Variants in CCDC169 observed in about 807,000 individuals in gnomAD.
The protein encoded by CCDC169 is coiled-coil domain containing 169, also known as coiled-coil domain-containing protein 169.
Under a neutral mutation model 36.0 loss-of-function variants are expected in CCDC169, and 30 were observed. That is an observed-to-expected ratio of 0.83 (90% CI 0.62 to 1.13). CCDC169 has a LOEUF of 1.13. CCDC169 is among the 50% of genes most tolerant of loss of function. The probability of loss-of-function intolerance (pLI) is 0.00; values close to 1 mark genes in which losing one functional copy is unlikely to be tolerated. For synonymous variants in CCDC169, 85 were observed against 81.5 expected (o/e 1.04, Z -0.23); for missense variants, 245 against 245.9 (o/e 1.00, Z 0.03).
chr13:36,243,698 C>T (rs546865824), intron 7 of CCDC169, among the ~76,000 whole-genome samples: 13 of 151,688 alleles, frequency 8.6e-5, no homozygotes, highest in Non-Finnish European at 1.5e-4. Flanking sequence ...CCCAGCTACT[C>T]GGGAGGCTGA....
chr13:36,282,295 A>G (rs778899554), intron 4 of CCDC169: 11 of 888,518 alleles, frequency 1.2e-5, no homozygotes, highest in Non-Finnish European at 1.5e-5. Context: ...TCTGCATTAC[A>G]CAATTATATG....
intron 4 of CCDC169, chr13:36,274,442 T>C (rs1355624091): frequency 6.6e-6 from 1 of 152,152 alleles, no homozygotes; most frequent in Non-Finnish European, 1.5e-5. Flanking sequence ...CACTGGACTG[T>C]TCATAACTTA....
intron 2 of CCDC169, among the ~76,000 whole-genome samples, chr13:36,284,975 AAGG>A (rs1191022947): frequency 1.3e-5 from 2 of 152,174 alleles, no homozygotes; most frequent in Non-Finnish European, 2.9e-5. Context: ...TACAAGAAGA[AAGG>A]AGAAGCCCTG....
intron 1 of CCDC169, among the ~76,000 whole-genome samples, chr13:36,296,100 T>C (rs9315410): frequency 0.34 from 52,392 of 152,026 alleles, 9,715 homozygotes; most frequent in Non-Finnish European, 0.42. Flanking sequence ...TTATTTTTAT[T>C]TATTTTTTTG....
intron 7 of CCDC169, among the ~76,000 whole-genome samples, chr13:36,232,798 C>A (rs1227513603): frequency 6.6e-6 from 1 of 152,020 alleles, no homozygotes; most frequent in Admixed American, 6.6e-5. Context: ...AGTTGGGAGG[C>A]TGAGACATGA....
intron 4 of CCDC169, among the ~76,000 whole-genome samples, chr13:36,262,914 T>G (rs942337524): frequency 6.6e-6 from 1 of 152,166 alleles, no homozygotes; most frequent in Non-Finnish European, 1.5e-5. Context: ...GTGAAAACTC[T>G]TTTGGTATAA....
At chr13:36,258,494 G>T (rs975546058) in intron 4 of CCDC169, among the ~76,000 whole-genome samples, 1 of 152,128 alleles carries the variant, frequency 6.6e-6, no homozygotes, top group Non-Finnish European at 1.5e-5. Context: ...ACCCTAGATG[G>T]CAACAAAAGT....
intron 6 of CCDC169, among the ~76,000 whole-genome samples, chr13:36,253,307 C>T (rs1873400963): frequency 6.6e-6 from 1 of 151,700 alleles, no homozygotes; most frequent in South Asian, 2.1e-4. Flanking sequence ...AAAAAATAAC[C>T]TCTTAATTTG....
chr13:36,280,706 T>A (rs1372659048), intron 4 of CCDC169: 1 of 152,250 alleles, frequency 6.6e-6, no homozygotes, highest in East Asian at 1.9e-4. Flanking sequence ...AACAGAACTG[T>A]CTACAGTGGA....
At chr13:36,253,611 A>G (rs1873453112) in intron 6 of CCDC169, among the ~76,000 whole-genome samples, 192 bp downstream of exon 6, 1 of 152,232 alleles carries the variant, frequency 6.6e-6, no homozygotes, top group Non-Finnish European at 1.5e-5. Flanking sequence ...CTGGGATTAC[A>G]GGCTTAAGCC....
intron 4 of CCDC169, among the ~76,000 whole-genome samples, chr13:36,256,182 G>C (rs1873858213): frequency 6.6e-6 from 1 of 152,160 alleles, no homozygotes; most frequent in African/African-American, 2.4e-5. Context: ...GAAGTGTGAG[G>C]GACGTGATTT....
intron 2 of CCDC169, among the ~76,000 whole-genome samples, chr13:36,284,089 G>A (rs956819374): frequency 2.6e-5 from 4 of 151,298 alleles, no homozygotes; most frequent in Non-Finnish European, 4.4e-5. Context: ...TTTCATATAT[G>A]ATATTTCATA....
At chr13:36,266,885 A>G (rs565637947) in intron 4 of CCDC169, among the ~76,000 whole-genome samples, 45 of 152,352 alleles carry the variant, frequency 3.0e-4, no homozygotes, top group African/African-American at 1.0e-3. Flanking sequence ...TGAGCCAGTT[A>G]CAAATTACCT....
rs557028833 is a variant in CCDC169 at position 36,276,790 on chromosome 13, A to G, written c.315+6679T>C. ...GGGGCTTGTTGATAAGAGCCATTAC[A>G]GTAACTTATCACAAGCAAGGCTGTA... On this transcript the variant is annotated intron_variant, in intron 4 of 7. Transcript: ENST00000239859. 2.1e-5 allele frequency among the ~76,000 whole-genome samples: 3 copies of G among 145,494 alleles called. No homozygotes were observed. In the South Asian group the frequency reaches 6.7e-4, roughly 33 times the overall value.
At chr13:36,292,412 TAAAA>T (rs904786448) in intron 2 of CCDC169, among the ~76,000 whole-genome samples, 2 of 151,460 alleles carry the variant, frequency 1.3e-5, no homozygotes, top group Non-Finnish European at 2.9e-5. Flanking sequence ...TCTTCTTGCT[TAAAA>T]AAAAAGTCAC....
At chr13:36,264,050 A>G (rs546743489) in intron 4 of CCDC169, among the ~76,000 whole-genome samples, 1 of 152,296 alleles carries the variant, frequency 6.6e-6, no homozygotes, top group South Asian at 2.1e-4. Context: ...TATAGTTTTA[A>G]TGGAAAATGT....
chr13:36,254,193 A>G (rs1014360051), intron 4 of CCDC169, 50 bp from the exon 5 acceptor site: 3 of 1,295,558 alleles, frequency 2.3e-6, no homozygotes, highest in South Asian at 1.6e-5. Context: ...TCTAAACAAA[A>G]TAAGAAATGA....
At chr13:36,276,041 G>A (rs1159974291) in intron 4 of CCDC169, among the ~76,000 whole-genome samples, 2 of 152,102 alleles carry the variant, frequency 1.3e-5, no homozygotes, top group Non-Finnish European at 2.9e-5. Context: ...GGCTTCTCTT[G>A]CTTTTGTAAT....
chr13:36,262,739 C>G lies in CCDC169; in HGVS notation c.316-8596G>C, dbSNP rs538911434. Among the ~76,000 whole-genome samples, 12 of 152,282 alleles carry G rather than the reference C, an allele frequency of 7.9e-5. No homozygotes were observed. The South Asian group carries it at 1.9e-3, about 24-fold the overall frequency. ...TCTGCTCTGTGCATAAAAGGGCCAT[C>G]TAACTATAGGTCCAGAGCTAGTGGC... is the stretch of plus-strand genomic sequence containing the variant. On this transcript the variant is annotated intron_variant, in intron 4 of 7. Transcript: ENST00000239859.
Sources: gnomAD v4.1 joint callset for allele counts (sites outside exome capture counted in the v4.1 genomes callset) on GRCh38, gnomAD v4.1.1 for gene constraint, MANE v1.5 for transcripts, NCBI Gene and HGNC (gene_info 2026-07-23, HGNC 2026-07-21) for gene names.